Variants in RALGAPA2 observed in about 807,000 individuals in gnomAD.
The protein encoded by RALGAPA2 is ral GTPase-activating protein subunit alpha-2.
A neutral mutation model predicts 230.4 loss-of-function variants in RALGAPA2; 139 were observed. That is an observed-to-expected ratio of 0.60 (90% CI 0.53 to 0.69). RALGAPA2 has a LOEUF of 0.69. RALGAPA2 is among the 30% of genes least tolerant of loss of function. The pLI, the probability that RALGAPA2 is intolerant of heterozygous loss-of-function variation, is 0.00. For missense variants in RALGAPA2, 2,163 were observed against 2,276.0 expected, an observed-to-expected ratio of 0.95 and a Z score of 1.01; for synonymous variants, 847 against 837.8, an observed-to-expected ratio of 1.01 and a Z score of -0.19.
chr20:20,496,747 GA>G (rs1164706321), intron 35 of RALGAPA2, among the ~76,000 whole-genome samples: 2 of 152,188 alleles, frequency 1.3e-5, no homozygotes, highest in Non-Finnish European at 2.9e-5. Flanking sequence ...ACCACAAAAA[GA>G]AAATCTGAGG....
chr20:20,478,385 G>T (rs2123446550), intron 36 of RALGAPA2, among the ~76,000 whole-genome samples: 1 of 151,156 alleles, frequency 6.6e-6, no homozygotes, highest in African/African-American at 2.4e-5. Flanking sequence ...CAAATTCAAA[G>T]AAAGTAGAAG....
At chr20:20,707,386 G>A (rs944546628) in intron 1 of RALGAPA2, among the ~76,000 whole-genome samples, 1 of 151,236 alleles carries the variant, frequency 6.6e-6, no homozygotes, top group Admixed American at 6.6e-5. Context: ...ACTTCTATCA[G>A]GAAAAGGGAA....
At chr20:20,495,893 C>T (rs1178479409) in intron 35 of RALGAPA2, among the ~76,000 whole-genome samples, 1 of 152,188 alleles carries the variant, frequency 6.6e-6, no homozygotes, top group African/African-American at 2.4e-5. Flanking sequence ...GACATGTTCA[C>T]ACATACTATC....
chr20:20,432,261 T>C (rs192850156), intron 37 of RALGAPA2, among the ~76,000 whole-genome samples: 1 of 152,172 alleles, frequency 6.6e-6, no homozygotes, highest in African/African-American at 2.4e-5. Flanking sequence ...GACTGTCTCA[T>C]TGTGCCTGTA....
rs368199120 is a variant in RALGAPA2, at chr20:20,605,310, C to T, written c.1903G>A (p.Glu635Lys). ...ATGTTGGCCCACTCGTTTATAAGTT[C>T]CTCCCATTCCGTGAGGGAGGACAGC... Reference protein sequence around the residue: ...GVLSSLTEWEELINEWANIMD... With the variant: ...GVLSSLTEWEKLINEWANIMD... The change falls in exon 15 of 40, where the codon GAA (glutamate) becomes AAA (lysine). Residue 635 changes from glutamate to lysine, a missense_variant. Coordinates refer to ENST00000202677, the MANE Select transcript of RALGAPA2 (RefSeq NM_020343.4). 1.4e-5 allele frequency: 23 copies of T among 1,613,790 alleles called. No individual in the cohort carries two copies. Among genetic ancestry groups the T allele is most frequent in the Non-Finnish European group, 1.9e-5 (23 of 1,179,772 alleles).
intron 24 of RALGAPA2, among the ~76,000 whole-genome samples, chr20:20,545,015 T>A (rs953241413): frequency 1.3e-5 from 2 of 152,210 alleles, no homozygotes; most frequent in African/African-American, 4.8e-5. Context: ...AACTTAAGTA[T>A]AATTTAAAAA....
Position 20,503,540 on chromosome 20 carries a change from T to A in RALGAPA2, c.5053-34A>T, listed in dbSNP as rs6137049. The A allele has an allele frequency of 0.011, 16,199 of 1,468,164 alleles. 466 individuals are homozygous for A. In the East Asian group the frequency reaches 0.12, roughly 10 times the overall value. 90.9% of individuals were successfully genotyped at this position (1,468,164 alleles called of 1,614,324 possible). A position where few individuals can be genotyped will look rare whatever the true frequency, so the allele number is the denominator to read the frequency against. ...GGTCACAAAGAAGAAAGAGTGAGGA[T>A]CAAAAATGAGCTGCTCTTTCACTAA... On this transcript the variant is annotated intron_variant, in intron 34 of 39. Coordinates refer to ENST00000202677, the MANE Select transcript of RALGAPA2 (RefSeq NM_020343.4).
intron 10 of RALGAPA2, among the ~76,000 whole-genome samples, chr20:20,623,479 A>G (rs1196272202): frequency 6.6e-6 from 1 of 151,578 alleles, no homozygotes; most frequent in Non-Finnish European, 1.5e-5. Flanking sequence ...CCAAAAATAG[A>G]GCAAAAACTG....
intron 38 of RALGAPA2, among the ~76,000 whole-genome samples, chr20:20,402,440 C>T (rs6046832): frequency 0.55 from 84,345 of 152,046 alleles, 23,518 homozygotes; most frequent in Non-Finnish European, 0.58. Flanking sequence ...CGATTCTTCA[C>T]GCACACGCGT....
intron 31 of RALGAPA2, 151 bp downstream of exon 31, chr20:20,520,766 C>G (rs1466104330): frequency 1.8e-6 from 1 of 552,156 alleles, no homozygotes; most frequent in Admixed American, 3.7e-5. Flanking sequence ...AAAGAAGAAA[C>G]AAGGAAGGCA....
chr20:20,523,303 A>C (rs1012742300), intron 30 of RALGAPA2, among the ~76,000 whole-genome samples: 1 of 152,018 alleles, frequency 6.6e-6, no homozygotes, highest in African/African-American at 2.4e-5. Context: ...GTGTAGAGGG[A>C]AGGGATGGGG....
chr20:20,575,939 G>A (rs975421192), intron 20 of RALGAPA2, among the ~76,000 whole-genome samples: 6 of 151,934 alleles, frequency 3.9e-5, no homozygotes, highest in African/African-American at 1.5e-4. Context: ...GGCTATTTGT[G>A]TTTGTTCACT....
chr20:20,473,033 T>C, intron 36 of RALGAPA2, 77 bp from the exon 37 acceptor site: 3 of 1,448,792 alleles, frequency 2.1e-6, no homozygotes, highest in Non-Finnish European at 2.8e-6. Context: ...AGCTGACTGA[T>C]GTCAGACCTG....
intron 24 of RALGAPA2, among the ~76,000 whole-genome samples, chr20:20,544,969 T>C (rs1321116408): frequency 1.3e-5 from 2 of 151,998 alleles, no homozygotes; most frequent in African/African-American, 4.8e-5. Flanking sequence ...TGTATACCTA[T>C]GTAACAAACT....
chr20:20,696,287 T>C (rs1351320381), intron 1 of RALGAPA2, among the ~76,000 whole-genome samples: 1 of 152,278 alleles, frequency 6.6e-6, no homozygotes, highest in East Asian at 1.9e-4. Context: ...TTTCTCTCTC[T>C]TCCCTCTTCT....
chr20:20,686,777 T>C (rs1220606319), intron 1 of RALGAPA2, among the ~76,000 whole-genome samples: 1 of 152,170 alleles, frequency 6.6e-6, no homozygotes, highest in Non-Finnish European at 1.5e-5. Context: ...TATAATCCTC[T>C]TCAATAGCAA....
rs922961869 is a variant in RALGAPA2, at chr20:20,529,821, C to T, written c.3582+1866G>A. 8.5e-5 allele frequency among the ~76,000 whole-genome samples: 13 copies of T among 152,296 alleles called. No homozygotes were observed. In the East Asian group the frequency reaches 1.7e-3, roughly 20 times the overall value. On this transcript the variant is annotated intron_variant, in intron 27 of 39. Coordinates refer to ENST00000202677, the MANE Select transcript of RALGAPA2 (RefSeq NM_020343.4). ...AATGTATCCCCATCACTATGCGATG[C>T]GTGACTCTGTGTGTCTGTGTGTGTC... is the stretch of plus-strand genomic sequence containing the variant.
intron 33 of RALGAPA2, among the ~76,000 whole-genome samples, chr20:20,505,837 T>C (rs1006238926): frequency 6.6e-6 from 1 of 152,222 alleles, no homozygotes; most frequent in African/African-American, 2.4e-5. Context: ...ATCTGCTTCC[T>C]GAGACCATAC....
chr20:20,677,490 C>A (rs748403602), intron 2 of RALGAPA2, among the ~76,000 whole-genome samples: 1 of 151,784 alleles, frequency 6.6e-6, no homozygotes, highest in African/African-American at 2.4e-5. Flanking sequence ...AGCACACAAG[C>A]GGGACAGTTG....
Sources: gnomAD v4.1 joint callset for allele counts (sites outside exome capture counted in the v4.1 genomes callset) on GRCh38, gnomAD v4.1.1 for gene constraint, MANE v1.5 for transcripts, NCBI Gene and HGNC (gene_info 2026-07-23, HGNC 2026-07-21) for gene names.